Variants in FAM117A observed in about 807,000 individuals in gnomAD.
The protein encoded by FAM117A is family with sequence similarity 117 member A.
FAM117A carries 21 observed loss-of-function variants against 44.1 expected under a neutral mutation model. The observed-to-expected ratio is 0.48, with a 90% confidence interval of 0.34 to 0.69. The LOEUF is 0.69. Among genes scored for constraint, FAM117A ranks in the 30% least tolerant of loss-of-function variants. The probability of loss-of-function intolerance (pLI) is 0.01; values close to 1 mark genes in which losing one functional copy is unlikely to be tolerated. For synonymous variants in FAM117A, 220 were observed against 238.3 expected (o/e 0.92, Z 0.71); for missense variants, 498 against 589.9 (o/e 0.84, Z 1.61).
intron 2 of FAM117A, among the ~76,000 whole-genome samples, chr17:49,729,361 G>A (rs1217374135): frequency 7.9e-5 from 12 of 152,192 alleles, no homozygotes. Context: ...GTAGTAGTGA[G>A]TGCCCACCAG....
At chr17:49,788,241 CAA>C (rs1381665621) in intron 1 of FAM117A, among the ~76,000 whole-genome samples, 1 of 152,168 alleles carries the variant, frequency 6.6e-6, no homozygotes, top group Non-Finnish European at 1.5e-5. Flanking sequence ...TCTTAAAATA[CAA>C]AGTTTCTTTT....
In FAM117A at chr17:49,716,206, G is replaced by A. The variant is rs1377335272; in HGVS notation, c.1020C>T (p.Pro340=). 2.5e-6 allele frequency: 4 copies of A among 1,613,642 alleles called. No homozygotes were observed. Among genetic ancestry groups the A allele is most frequent in the African/African-American group, 1.3e-5 (1 of 74,998 alleles). The part of the protein sequence containing the change: ...PNHSYIFKRE[P]PEGCEKVRVF... ...CACGCACTTTCTCACAGCCTTCTGG[G>A]GGCTCCCGTTTGAAGATGTAGCTAT... is the stretch of plus-strand genomic sequence containing the variant. Residue 340 remains proline (P), a synonymous_variant, in exon 7 of 8, where the codon CCC becomes CCT. Transcript: ENST00000240364.
intron 1 of FAM117A, among the ~76,000 whole-genome samples, chr17:49,757,902 T>C (rs1195302460): frequency 6.6e-6 from 1 of 152,180 alleles, no homozygotes; most frequent in African/African-American, 2.4e-5. Flanking sequence ...AAGGGTAACA[T>C]GCATCTCAAA....
chr17:49,729,642 A>C (rs2073576345), intron 2 of FAM117A, among the ~76,000 whole-genome samples: 1 of 151,084 alleles, frequency 6.6e-6, no homozygotes, highest in Non-Finnish European at 1.5e-5. Flanking sequence ...AGTAGCTGGG[A>C]CTACAGATGT....
Position 49,716,161 on chromosome 17 carries a change from T to G in FAM117A, c.1061+4A>C. On this transcript the variant is annotated splice_donor_region_variant and intron_variant, in intron 7 of 7. Coordinates refer to ENST00000240364, the MANE Select transcript of FAM117A (RefSeq NM_030802.4). ...CCCACACCCTGTCCACTTGGTGTAC[T>G]CACGTGGCTTCTTCAAACACACGCA... The G allele has an allele frequency of 6.9e-7, 1 of 1,442,152 alleles. No individual in the cohort carries two copies. Among genetic ancestry groups the G allele is most frequent in the Admixed American group, 1.8e-5 (1 of 56,132 alleles). 89.3% of individuals were successfully genotyped at this position (1,442,152 alleles called of 1,614,324 possible).
At chr17:49,763,396 G>C (rs1452939286) in intron 1 of FAM117A, among the ~76,000 whole-genome samples, 1 of 151,960 alleles carries the variant, frequency 6.6e-6, no homozygotes. Context: ...CAGTTGAGAG[G>C]GATGCTGGGG....
chr17:49,737,789 TTA>T (rs1274407545), intron 1 of FAM117A, among the ~76,000 whole-genome samples: 1 of 152,202 alleles, frequency 6.6e-6, no homozygotes, highest in African/African-American at 2.4e-5. Flanking sequence ...ACAAAGAAGC[TTA>T]GTCTCTGATT....
upstream of FAM117A, chr17:49,765,543 C>A (rs1230984157): frequency 2.0e-5 from 3 of 152,196 alleles, no homozygotes; most frequent in Non-Finnish European, 4.4e-5. Flanking sequence ...AATTAGCCTA[C>A]ATACACTGAA....
At chr17:49,712,575 A>G (rs1226711592) in intron 7 of FAM117A, among the ~76,000 whole-genome samples, 1 of 152,056 alleles carries the variant, frequency 6.6e-6, no homozygotes, top group African/African-American at 2.4e-5. Flanking sequence ...GTGTGGCAGG[A>G]TCATGGCTTA....
intron 1 of FAM117A, among the ~76,000 whole-genome samples, chr17:49,754,344 A>G (rs1343973252): frequency 3.3e-5 from 5 of 150,920 alleles, no homozygotes; most frequent in Non-Finnish European, 7.4e-5. Flanking sequence ...TCGCTCTGTC[A>G]CCCAGGCTGG....
chr17:49,785,026 C>T (rs1469557665), intron 1 of FAM117A, among the ~76,000 whole-genome samples: 1 of 152,176 alleles, frequency 6.6e-6, no homozygotes, highest in Non-Finnish European at 1.5e-5. Flanking sequence ...TAGTCACTAA[C>T]ATTAGAATGT....
At chr17:49,719,725 A>G (rs1371961774) in intron 5 of FAM117A, 35 bp downstream of exon 5, 2 of 1,523,102 alleles carry the variant, frequency 1.3e-6, no homozygotes. Flanking sequence ...TGAGGCACGG[A>G]CTGTGGGTGC....
chr17:49,736,933 C>T (rs1198321237), intron 1 of FAM117A, among the ~76,000 whole-genome samples: 1 of 152,170 alleles, frequency 6.6e-6, no homozygotes, highest in African/African-American at 2.4e-5. Flanking sequence ...TCTGTGTATC[C>T]CCCACAATGT....
chr17:49,734,436 A>C (rs2073601476), intron 1 of FAM117A, among the ~76,000 whole-genome samples: 2 of 151,286 alleles, frequency 1.3e-5, no homozygotes, highest in Non-Finnish European at 2.9e-5. Context: ...AAAAACAAAA[A>C]AAAAAATTAC....
intron 1 of FAM117A, among the ~76,000 whole-genome samples, chr17:49,761,933 G>C (rs934216205): frequency 6.6e-6 from 1 of 152,196 alleles, no homozygotes; most frequent in Non-Finnish European, 1.5e-5. Context: ...GATATTAATA[G>C]GTGGACAAAT....
intron 1 of FAM117A, among the ~76,000 whole-genome samples, chr17:49,761,860 C>T (rs1372233262): frequency 6.6e-6 from 1 of 152,244 alleles, no homozygotes. Flanking sequence ...TCCTGCCATA[C>T]TGAAAATCTA....
chr17:49,781,799 A>G (rs1461362591), intron 1 of FAM117A, among the ~76,000 whole-genome samples: 1 of 152,076 alleles, frequency 6.6e-6, no homozygotes, highest in African/African-American at 2.4e-5. Context: ...TAACATAGTG[A>G]GACCCCGATC....
intron 3 of FAM117A, among the ~76,000 whole-genome samples, chr17:49,721,622 T>C (rs962431268): frequency 6.6e-6 from 1 of 152,168 alleles, no homozygotes; most frequent in Non-Finnish European, 1.5e-5. Context: ...TCCTATCGAG[T>C]TGACCCTCTC....
intron 2 of FAM117A, chr17:49,724,589 T>G (rs1728594100): frequency 7.1e-6 from 3 of 425,528 alleles, no homozygotes; most frequent in South Asian, 3.3e-5. Flanking sequence ...TCCCAACACT[T>G]TGGGAGACTG....
Sources: gnomAD v4.1 joint callset for allele counts (sites outside exome capture counted in the v4.1 genomes callset) on GRCh38, gnomAD v4.1.1 for gene constraint, MANE v1.5 for transcripts, NCBI Gene and HGNC (gene_info 2026-07-23, HGNC 2026-07-21) for gene names.